Variants in AGL observed in about 807,000 individuals in gnomAD.
AGL encodes amylo-alpha-1,6-glucosidase and 4-alpha-glucanotransferase.
Under a neutral mutation model 199.3 loss-of-function variants are expected in AGL, and 128 were observed. The observed-to-expected ratio is 0.64, with a 90% CI of 0.56 to 0.74. AGL has a LOEUF of 0.74. Among genes scored for constraint, AGL ranks in the 30% least tolerant of loss-of-function variants. AGL has a pLI of 0.00. For missense variants in AGL, 1,809 were observed against 1,820.8 expected (o/e 0.99, Z 0.12); for synonymous variants, 584 against 594.7 (o/e 0.98, Z 0.26).
At position 99,891,657 on chromosome 1, in the gene AGL, T is replaced by A. The variant is rs1349610871; in HGVS notation, c.3001T>A (p.Tyr1001Asn). 7 of 1,613,664 alleles carry A rather than the reference T, an allele frequency of 4.3e-6. No individual in the cohort carries two copies. Among genetic ancestry groups the A allele is most frequent in the Admixed American group, 3.3e-5 (2 of 60,000 alleles). The change falls in exon 23 of 34, where the codon TAC becomes AAC. Residue 1001 changes from tyrosine (Y) to asparagine (N), a missense_variant. Tyr to Asn is a moderately radical substitution (Grantham distance 143, BLOSUM62 -2). Coordinates refer to ENST00000361915, the MANE Select transcript of AGL (RefSeq NM_000642.3). ...CTTCTACCTGAAGCAGATCCCACGTTACCTTATCCCATGTTACTTTGATGC... is the reference window on the plus strand; with the variant it reads ...CTTCTACCTGAAGCAGATCCCACGTAACCTTATCCCATGTTACTTTGATGC... ...MFFYLKQIPR[Y>N]LIPCYFDAIL... is the part of the protein sequence containing the mutation.
chr1:99,922,616 A>T lies in AGL; in HGVS notation c.*965A>T, dbSNP rs564196471. 3.9e-5 allele frequency: 6 copies of T among 151,972 alleles called. No homozygotes were observed. The East Asian group carries it at 1.2e-3, about 29-fold the overall frequency. The allele number at this position is 151,972 out of a possible 1,614,324, so 9.4% of individuals were successfully genotyped here. ...AAAATCACTGGAAGTTTTTCATGAT[A>T]ACTTATTTTAAGATGCCTTAAAAAT... is the stretch of plus-strand genomic sequence containing the variant. On this transcript the variant is annotated 3_prime_UTR_variant, in exon 34 of 34. Coordinates refer to ENST00000361915, the MANE Select transcript of AGL (RefSeq NM_000642.3).
At chr1:99,872,534 C>CTT (rs11299217) in intron 7 of AGL, among the ~76,000 whole-genome samples, 1 of 141,334 alleles carries the variant, frequency 7.1e-6, no homozygotes. Flanking sequence ...ATTTACATTT[C>CTT]TTTTTTTTTT....
chr1:99,909,781 A>T (rs1429513600), intron 27 of AGL, among the ~76,000 whole-genome samples: 2 of 152,122 alleles, frequency 1.3e-5, no homozygotes, highest in Non-Finnish European at 2.9e-5. Context: ...TATTATGCTC[A>T]GGGATTTTCA....
chr1:99,919,188 CTG>C (rs1655345153), intron 33 of AGL, among the ~76,000 whole-genome samples: 1 of 152,220 alleles, frequency 6.6e-6, no homozygotes, highest in Non-Finnish European at 1.5e-5. Flanking sequence ...TTCCCCCTCT[CTG>C]TGCCAAATCC....
chr1:99,894,991 T>C lies in AGL; in HGVS notation c.3260-1295T>C, dbSNP rs144231575. Among the ~76,000 whole-genome samples the C allele has an allele frequency of 1.2e-3, 179 of 152,330 alleles. 1 individual carries two copies. Among genetic ancestry groups the C allele is most frequent in the Non-Finnish European group, 2.0e-3 (134 of 68,024 alleles). ...GATAGTTATAAGTGAATGCTGTGTA[T>C]ATTTTATTTGTCCTCAGTTTCCCCT... On this transcript the variant is annotated intron_variant, in intron 24 of 33. Transcript: ENST00000361915.
Position 99,881,092 on chromosome 1 carries a change from A to T in AGL, c.1916A>T (p.Asp639Val), listed in dbSNP as rs1170304835. The change falls in exon 15 of 34, where the codon GAT (aspartate) becomes GTT (valine). Residue 639 changes from aspartate (D) to valine (V), a missense_variant. Asp to Val is a radical substitution (Grantham distance 152, BLOSUM62 -3). Transcript: ENST00000361915. ...ECPIVHRSAY[D>V]ALPSTTIVSM... is the part of the protein sequence containing the mutation. ...GTCTTCTAGCATAGATCAGCGTATG[A>T]TGCTCTTCCAAGTACTACAATTGTT... 2 of 1,613,876 alleles carry T rather than the reference A, an allele frequency of 1.2e-6. No homozygotes were observed. Among genetic ancestry groups the T allele is most frequent in the Non-Finnish European group, 1.7e-6 (2 of 1,179,830 alleles).
At chr1:99,884,741 A>G (rs1391165566) in intron 20 of AGL, 38 bp downstream of exon 20, 5 of 1,610,954 alleles carry the variant, frequency 3.1e-6, no homozygotes, top group Admixed American at 1.7e-5. Flanking sequence ...TGCCACCTTA[A>G]TAAGTAAGTT....
rs1469518614 is a variant in AGL at position 99,891,234 on chromosome 1, T to A, written c.2827T>A (p.Leu943Met). 2 of 1,613,630 alleles carry A rather than the reference T, an allele frequency of 1.2e-6. No individual in the cohort carries two copies. Among genetic ancestry groups the A allele is most frequent in the Non-Finnish European group, 1.7e-6 (2 of 1,179,654 alleles). Residue 943 changes from leucine (L) to methionine (M), a missense_variant, in exon 22 of 34, where the codon TTG becomes ATG. Physicochemically the swap from Leu to Met is conservative, Grantham distance 15. Coordinates refer to ENST00000361915, the MANE Select transcript of AGL (RefSeq NM_000642.3). ...YAGLQGLMSV[L>M]AEIRPKNDLG... ...TGAATTTTCAGGTTTAATGTCTGTA[T>A]TGGCAGAAATAAGACCAAAGAATGA...
intron 25 of AGL, among the ~76,000 whole-genome samples, chr1:99,897,402 G>C (rs1213314750): frequency 2.0e-5 from 3 of 152,164 alleles, no homozygotes; most frequent in Non-Finnish European, 4.4e-5. Context: ...TGCTCTAAAA[G>C]ATAAAACTTT....
intron 31 of AGL, 87 bp from the exon 32 acceptor site, chr1:99,916,323 C>A: frequency 9.7e-7 from 1 of 1,035,978 alleles, no homozygotes. Context: ...GATTATTTCT[C>A]TTACCTTTGT....
chr1:99,854,972 A>G (rs1490237948), intron 2 of AGL, among the ~76,000 whole-genome samples: 2 of 151,834 alleles, frequency 1.3e-5, no homozygotes, highest in Non-Finnish European at 2.9e-5. Flanking sequence ...AGGCCAAGGC[A>G]GGCGGATCAC....
intron 30 of AGL, 128 bp downstream of exon 30, chr1:99,913,866 A>C: frequency 1.1e-6 from 1 of 892,106 alleles, no homozygotes; most frequent in Non-Finnish European, 1.8e-6. Context: ...AGCTAGTTTT[A>C]AATAGTCTTT....
intron 4 of AGL, 24 bp from the exon 5 acceptor site, chr1:99,864,362 G>A (rs1349815222): frequency 6.3e-7 from 1 of 1,587,586 alleles, no homozygotes; most frequent in Non-Finnish European, 8.6e-7. Context: ...TTTTACAGTG[G>A]TCTTTCCTTT....
intron 12 of AGL, among the ~76,000 whole-genome samples, chr1:99,878,555 TAA>T (rs1392453984): frequency 4.6e-5 from 7 of 152,212 alleles, no homozygotes; most frequent in Non-Finnish European, 1.0e-4. Context: ...ACAATCTTTG[TAA>T]TTAAACTCAT....
Position 99,876,607 on chromosome 1 carries a change from T to G in AGL, c.1423+10T>G. 1 of 1,613,872 alleles carries G rather than the reference T, an allele frequency of 6.2e-7. No individual in the cohort carries two copies. Among genetic ancestry groups the G allele is most frequent in the Non-Finnish European group, 8.5e-7 (1 of 1,179,846 alleles). ...AACTTTGCTGAACCGGGTATGTAAT[T>G]TTTAACTTCTCTGTGGATGGGGAAA... On this transcript the variant is annotated intron_variant, in intron 11 of 33. Transcript: ENST00000361915.
chr1:99,866,334 A>G (rs898107506), intron 5 of AGL, among the ~76,000 whole-genome samples: 5 of 152,206 alleles, frequency 3.3e-5, no homozygotes, highest in African/African-American at 1.2e-4. Context: ...TTCCTGGACT[A>G]GGATGGTAGT....
In AGL at chr1:99,900,857, C is replaced by G. The variant is rs148930543; in HGVS notation, c.3584C>G (p.Thr1195Arg). The G allele has an allele frequency of 2.1e-4, 338 of 1,588,888 alleles. No individual in the cohort carries two copies. The highest frequency in any genetic ancestry group is 2.7e-4 in the Non-Finnish European group (317 of 1,158,118). ...GATTCTGCTCCTTTGCCTGCTGGCA[C>G]ACTGGTAAAGATATTTCTTAAAATG... ...TDDSAPLPAG[T>R]LDQPLFEVIQ... The change falls in exon 26 of 34, where the codon ACA (threonine) becomes AGA (arginine). Residue 1195 changes from threonine (T) to arginine (R), a missense_variant. Physicochemically the swap from Thr to Arg is moderately conservative, Grantham distance 71 (BLOSUM62 -1). Coordinates refer to ENST00000361915, the MANE Select transcript of AGL (RefSeq NM_000642.3).
At chr1:99,856,338 C>G (rs6659532) in intron 2 of AGL, among the ~76,000 whole-genome samples, 4 of 63,608 alleles carry the variant, frequency 6.3e-5, no homozygotes, top group Admixed American at 2.9e-4. Flanking sequence ...CTCCCTCCCT[C>G]CCTCCCTCCC....
At chr1:99,901,338 G>A (rs562176153) in intron 26 of AGL, among the ~76,000 whole-genome samples, 1 of 141,470 alleles carries the variant, frequency 7.1e-6, no homozygotes, top group African/African-American at 2.6e-5. Context: ...TTGAGGCCAG[G>A]AGTATGAGTC....
Sources: allele counts gnomAD v4.1 joint callset (sites outside exome capture counted in the v4.1 genomes callset), GRCh38; gene constraint gnomAD v4.1.1; transcripts MANE v1.5; gene names NCBI Gene and HGNC (gene_info 2026-07-23, HGNC 2026-07-21).